The following COL21A1 variants were observed in gnomAD, a reference collection of about 807,000 sequenced individuals.
The protein encoded by COL21A1 is collagen alpha-1(XXI) chain.
In COL21A1, 149 loss-of-function variants were observed where a neutral mutation model predicts 137.9. That is an observed-to-expected ratio of 1.08 (90% confidence interval 0.95 to 1.24). COL21A1 has a LOEUF of 1.24. Ranked by LOEUF, COL21A1 falls within the 50% of genes most tolerant of loss-of-function variation. The pLI, the probability that COL21A1 is intolerant of heterozygous loss-of-function variation, is 0.00. For missense variants in COL21A1, 1,167 were observed against 1,158.4 expected (o/e 1.01, Z -0.11); for synonymous variants, 456 against 391.5 (o/e 1.16, Z -1.95).
chr6:56,367,038 G>T (rs994391592), intron 1 of COL21A1, among the ~76,000 whole-genome samples: 1 of 152,130 alleles, frequency 6.6e-6, no homozygotes, highest in African/African-American at 2.4e-5. Context: ...TTAAGACTAT[G>T]TAAGGTCTCT....
chr6:56,391,530 G>C (rs2094029668), intron 1 of COL21A1, among the ~76,000 whole-genome samples: 2 of 151,654 alleles, frequency 1.3e-5, no homozygotes, highest in African/African-American at 4.8e-5. Flanking sequence ...GAACAAAATT[G>C]ACAAACCTTT....
chr6:56,114,484 C>G (rs191259759), intron 16 of COL21A1, among the ~76,000 whole-genome samples: 38 of 152,280 alleles, frequency 2.5e-4, no homozygotes, highest in Non-Finnish European at 4.0e-4. Context: ...AAGATAAAAA[C>G]AAACAACCCC....
chr6:56,124,873 C>G (rs571914560), intron 14 of COL21A1, among the ~76,000 whole-genome samples: 1 of 152,160 alleles, frequency 6.6e-6, no homozygotes, highest in Non-Finnish European at 1.5e-5. Context: ...TCTCGATCTC[C>G]TGACTTCGTG....
chr6:56,299,379 A>G lies in COL21A1; in HGVS notation c.-39+94592T>C, dbSNP rs188430413. On this transcript the variant is annotated intron_variant, in intron 1 of 28. Coordinates refer to the COL21A1 transcript ENST00000370819. ...TTTCAAGTCATATCTTTAAGAACAA[A>G]GCATTGTGATTCAGGTCCATTGCAT... Among the ~76,000 whole-genome samples the G allele has an allele frequency of 2.6e-5, 4 of 152,282 alleles. 1 individual carries two copies. Among genetic ancestry groups the G allele is most frequent in the Admixed American group, 2.0e-4 (3 of 15,264 alleles).
In COL21A1 at chr6:56,100,176, G is replaced by A. The variant is rs551509651; in HGVS notation, c.1812+1296C>T. 3.9e-5 allele frequency among the ~76,000 whole-genome samples: 6 copies of A among 152,202 alleles called. No homozygotes were observed. In the South Asian group the frequency reaches 1.2e-3, roughly 32 times the overall value. ...CATTAAGATCATTTCATTATTTCCT[G>A]GGCACACCTTTAACCATCTCACATA... On this transcript the variant is annotated intron_variant, in intron 17 of 29. Transcript: ENST00000244728.
intron 1 of COL21A1, among the ~76,000 whole-genome samples, chr6:56,355,986 G>A (rs576657497): frequency 8.5e-5 from 13 of 152,306 alleles, no homozygotes; most frequent in East Asian, 1.9e-4. Context: ...CAGAAGCTGA[G>A]GAGGAAATGG....
At chr6:56,376,826 C>T (rs1439664602) in intron 1 of COL21A1, among the ~76,000 whole-genome samples, 2 of 71,352 alleles carry the variant, frequency 2.8e-5, no homozygotes, top group Non-Finnish European at 4.8e-5. Flanking sequence ...CCAATCGACG[C>T]CCACCCCCCA....
chr6:56,260,581 A>ACG (rs1763226907), intron 1 of COL21A1, among the ~76,000 whole-genome samples: 1 of 43,638 alleles, frequency 2.3e-5, no homozygotes, highest in Admixed American at 6.2e-4. Flanking sequence ...CAAAAAAAAA[A>ACG]AAGAAAGAAG....
At chr6:56,112,966 G>A (rs1771583797) in intron 16 of COL21A1, among the ~76,000 whole-genome samples, 1 of 152,154 alleles carries the variant, frequency 6.6e-6, no homozygotes. Flanking sequence ...TTACAGGCAT[G>A]AGTCACGGCG....
At chr6:56,171,293 T>C (rs1225772914) in intron 3 of COL21A1, among the ~76,000 whole-genome samples, 165 bp from the exon 4 acceptor site, 1 of 151,984 alleles carries the variant, frequency 6.6e-6, no homozygotes, top group Non-Finnish European at 1.5e-5. Context: ...ATACATTTTC[T>C]GAGAAAATGT....
At chr6:56,073,640 G>A (rs866703119) in intron 20 of COL21A1, among the ~76,000 whole-genome samples, 9 of 151,436 alleles carry the variant, frequency 5.9e-5, no homozygotes, top group South Asian at 4.2e-4. Context: ...AATAGTTATC[G>A]TACCACAGGA....
At chr6:56,078,360 C>T (rs370725246) in intron 17 of COL21A1, among the ~76,000 whole-genome samples, 6 of 151,514 alleles carry the variant, frequency 4.0e-5, no homozygotes, top group African/African-American at 1.5e-4. Flanking sequence ...CTTTTTATTC[C>T]ATTTTCTTAG....
intron 12 of COL21A1, among the ~76,000 whole-genome samples, chr6:56,127,796 G>A (rs920381928): frequency 6.6e-5 from 10 of 152,108 alleles, no homozygotes; most frequent in Non-Finnish European, 1.0e-4. Flanking sequence ...GGTAGGACTG[G>A]TGCAGTTTTT....
In COL21A1 at chr6:56,140,358, G is replaced by A. The variant is rs182750758; in HGVS notation, c.1542+1427C>T. 8.5e-4 allele frequency among the ~76,000 whole-genome samples: 129 copies of A among 152,208 alleles called. 1 individual carries two copies. The Middle Eastern group carries it at 0.014, about 16-fold the overall frequency. On this transcript the variant is annotated intron_variant, in intron 12 of 29. Transcript: ENST00000244728. Reference sequence around the variant, plus strand: ...TATATTCTATTGTGTGATATGTGAAGAACAAATGTTAAAGTCAGAAAGAAA... The same window carrying A: ...TATATTCTATTGTGTGATATGTGAAAAACAAATGTTAAAGTCAGAAAGAAA...
At chr6:56,348,610 C>A (rs776725982) in intron 1 of COL21A1, among the ~76,000 whole-genome samples, 1 of 152,056 alleles carries the variant, frequency 6.6e-6, no homozygotes, top group East Asian at 1.9e-4. Flanking sequence ...CAAGGGGAGA[C>A]GACAACTTGC....
chr6:56,348,555 G>C (rs1290812124), intron 1 of COL21A1, among the ~76,000 whole-genome samples: 1 of 152,176 alleles, frequency 6.6e-6, no homozygotes, highest in Non-Finnish European at 1.5e-5. Context: ...TTCTTCTGTA[G>C]CATGGGAAGG....
intron 1 of COL21A1, among the ~76,000 whole-genome samples, chr6:56,200,404 AGT>A (rs1779304678): frequency 6.6e-6 from 1 of 151,650 alleles, no homozygotes; most frequent in Non-Finnish European, 1.5e-5. Flanking sequence ...TGCTGCACCC[AGT>A]AACTCATCAT....
chr6:56,318,314 A>T (rs1243367945), intron 1 of COL21A1, among the ~76,000 whole-genome samples: 5 of 152,148 alleles, frequency 3.3e-5, no homozygotes, highest in African/African-American at 1.2e-4. Context: ...TGGCTAAAAA[A>T]TATTCAACCA....
In COL21A1 at chr6:56,180,079, T is replaced by C. The variant is rs764276366; in HGVS notation, c.139A>G (p.Ser47Gly). The C allele has an allele frequency of 2.5e-6, 4 of 1,613,632 alleles. No homozygotes were observed. The highest frequency in any genetic ancestry group is 1.1e-5 in the South Asian group (1 of 91,054). Residue 47 changes from serine to glycine, a missense_variant, in exon 3 of 30, where the codon AGT (serine) becomes GGT (glycine). Physicochemically the swap from Ser to Gly is moderately conservative, Grantham distance 56. Transcript: ENST00000244728. ...ATTTCAAAGTTTTCTGGGCCAACAC[T>C]ATAAGAGCCATCTAAGATGAAAACT... is the stretch of plus-strand genomic sequence containing the variant. Reference protein sequence around the residue: ...DLVFILDGSYSVGPENFEIVK... With the variant: ...DLVFILDGSYGVGPENFEIVK...
Sources: allele counts gnomAD v4.1 joint callset (sites outside exome capture counted in the v4.1 genomes callset), GRCh38; gene constraint gnomAD v4.1.1; transcripts MANE v1.5; gene names NCBI Gene and HGNC (gene_info 2026-07-23, HGNC 2026-07-21).